The following REEP5 variants were observed in gnomAD, a reference collection of about 807,000 sequenced individuals.
REEP5 encodes the protein receptor accessory protein 5.
Under a neutral mutation model 22.4 loss-of-function variants are expected in REEP5, and 24 were observed. The ratio of observed to expected loss-of-function variants is 1.07; its 90% CI spans 0.78 to 1.51. The LOEUF is 1.51. REEP5 is among the 40% of genes most tolerant of loss of function. The pLI is 0.00. For missense variants in REEP5, 252 were observed against 233.0 expected (o/e 1.08, Z -0.53); for synonymous variants, 103 against 88.6 (o/e 1.16, Z -0.92).
intron 2 of REEP5, among the ~76,000 whole-genome samples, chr5:112,906,799 AAACCACCTCAAAG>A (rs1768964916): frequency 6.6e-6 from 1 of 152,146 alleles, no homozygotes; most frequent in Non-Finnish European, 1.5e-5. Context: ...CTGTGTTTGG[AAACCACCTCAAAG>A]TTCCAGTCTT....
intron 3 of REEP5, chr5:112,894,444 A>G (rs898729508): frequency 1.3e-5 from 2 of 152,178 alleles, no homozygotes; most frequent in Admixed American, 1.3e-4. Context: ...TCCAAAATTC[A>G]TACAATGTTT....
chr5:112,915,478 CATCTTAAAAGAGTCCAGCACTCTTAGCAG>C (rs1395896273), intron 2 of REEP5, among the ~76,000 whole-genome samples: 9 of 152,202 alleles, frequency 5.9e-5, no homozygotes, highest in Admixed American at 1.3e-4. Flanking sequence ...ACAACACTTT[CATCTTAAAAGAGTCCAGCACTCTTAGCAG>C]TAATGTTAAG....
rs1168506605 is a variant in REEP5, at chr5:112,908,094, G to GT, written c.213-5577dup. On this transcript the variant is annotated intron_variant, in intron 2 of 4. Transcript: ENST00000379638. ...AGAATGAGCATCAGAGACTTTCTTT[G>GT]TTTTTTGTTTTTTTTTTTTTTTTTT... Among the ~76,000 whole-genome samples, 321 of 72,552 alleles carry GT rather than the reference G, an allele frequency of 4.4e-3. 1 individual carries two copies. Among genetic ancestry groups the GT allele is most frequent in the African/African-American group, 0.015 (252 of 16,266 alleles). The allele number at this position is 72,552 out of a possible 152,430, so 47.6% of individuals were successfully genotyped here. A position where few individuals can be genotyped will look rare whatever the true frequency, so the allele number is the denominator to read the frequency against.
chr5:112,910,930 A>T (rs185997602), intron 2 of REEP5, among the ~76,000 whole-genome samples: 1 of 152,364 alleles, frequency 6.6e-6, no homozygotes, highest in African/African-American at 2.4e-5. Context: ...CAAAGTTAGT[A>T]CAAATCCACC....
chr5:112,885,543 ACAT>A (rs1263969025), intron 4 of REEP5: 1 of 239,486 alleles, frequency 4.2e-6, no homozygotes, highest in Non-Finnish European at 8.9e-6. Context: ...TTGGAAGTAA[ACAT>A]CAACTACCTT....
intron 3 of REEP5, chr5:112,892,153 A>C: frequency 6.2e-7 from 1 of 1,614,148 alleles, no homozygotes; most frequent in Non-Finnish European, 8.5e-7. Flanking sequence ...AGTAATGGAG[A>C]AGGATCGAGC....
Position 112,876,409 on chromosome 5 carries a change from A to ACAT in REEP5, c.*2374_*2376dup, listed in dbSNP as rs1162075173. 2.6e-5 allele frequency: 4 copies of ACAT among 152,244 alleles called. No individual in the cohort carries two copies. Among genetic ancestry groups the ACAT allele is most frequent in the East Asian group, 1.9e-4 (1 of 5,204 alleles). The allele number at this position is 152,244 out of a possible 1,614,324, so 9.4% of individuals were successfully genotyped here. A position where few individuals can be genotyped will look rare whatever the true frequency, so the allele number is the denominator to read the frequency against. Reference sequence around the variant, plus strand: ...GTTAAATGAGAACTCAATTTTATTTACATCTATTTATTTCCATTCAGTGTA... The same window carrying ACAT: ...GTTAAATGAGAACTCAATTTTATTTACATCATCTATTTATTTCCATTCAGTGTA... On this transcript the variant is annotated 3_prime_UTR_variant, in exon 5 of 5. Coordinates refer to ENST00000379638, the MANE Select transcript of REEP5 (RefSeq NM_005669.5).
chr5:112,918,921 T>C (rs775932429), intron 2 of REEP5, among the ~76,000 whole-genome samples: 1 of 152,214 alleles, frequency 6.6e-6, no homozygotes, highest in Non-Finnish European at 1.5e-5. Flanking sequence ...TTAGAGGGCT[T>C]ACCACACGGT....
rs60109818 is a variant in REEP5, at chr5:112,877,981, C to CTGTGTGTGTGTGTGTGTG, written c.*787_*804dup. 6.8e-6 allele frequency: 1 copy of CTGTGTGTGTGTGTGTGTG among 147,530 alleles called. No individual in the cohort carries two copies. Among genetic ancestry groups the CTGTGTGTGTGTGTGTGTG allele is most frequent in the Admixed American group, 6.8e-5 (1 of 14,752 alleles). 9.1% of individuals were successfully genotyped at this position (147,530 alleles called of 1,614,324 possible). ...AGGGAATTGAGAGTTACAGGTTACT[C>CTGTGTGTGTGTGTGTGTG]TGTGTGTGTGTGTGTGTGTGTGTGT... is the stretch of plus-strand genomic sequence containing the variant. On this transcript the variant is annotated 3_prime_UTR_variant, in exon 5 of 5. Transcript: ENST00000379638.
rs543961034 is a variant in REEP5, at chr5:112,899,503, T to C, written c.351+2877A>G. The stretch of plus-strand genomic sequence containing the variant: ...AAATTTCTGGGTCTGTACATATGGA[T>C]CTATTTCATTCCATTTAACTGTATG... On this transcript the variant is annotated intron_variant, in intron 3 of 4. Transcript: ENST00000379638. 2.0e-5 allele frequency among the ~76,000 whole-genome samples: 3 copies of C among 152,284 alleles called. No individual in the cohort carries two copies. The South Asian group carries it at 6.2e-4, about 32-fold the overall frequency.
At chr5:112,918,985 G>C (rs1461400853) in intron 2 of REEP5, among the ~76,000 whole-genome samples, 1 of 152,246 alleles carries the variant, frequency 6.6e-6, no homozygotes, top group Admixed American at 6.5e-5. Context: ...CAAGGACAGA[G>C]AGTATGACTA....
chr5:112,920,082 C>A (rs895182348), intron 2 of REEP5, among the ~76,000 whole-genome samples: 2 of 152,108 alleles, frequency 1.3e-5, no homozygotes, highest in African/African-American at 2.4e-5. Context: ...AAGCAGAGCC[C>A]GGGGTAGGCC....
At chr5:112,892,315 C>A (rs1235039659) in intron 3 of REEP5, 1 of 1,614,030 alleles carries the variant, frequency 6.2e-7, no homozygotes, top group Admixed American at 1.7e-5. Context: ...TGACTATGAC[C>A]CTGACGCAAG....
chr5:112,920,804 T>C lies in REEP5; in HGVS notation c.212+359A>G, dbSNP rs376066076. Among the ~76,000 whole-genome samples the C allele has an allele frequency of 1.9e-4, 29 of 152,174 alleles. 1 individual carries two copies. Among genetic ancestry groups the C allele is most frequent in the African/African-American group, 6.8e-4 (28 of 41,440 alleles). ...CTAGGTGCATAAATATATGGTGAAA[T>C]ACTCATTAAAATAATTACTAGACAG... On this transcript the variant is annotated intron_variant, in intron 2 of 4. Transcript: ENST00000379638.
intron 4 of REEP5, among the ~76,000 whole-genome samples, chr5:112,882,351 T>C (rs1768105495): frequency 6.6e-6 from 1 of 152,292 alleles, no homozygotes; most frequent in East Asian, 1.9e-4. Flanking sequence ...TTCCCGCTAT[T>C]ATCCTGATTC....
chr5:112,909,933 T>C (rs911006382), intron 2 of REEP5, among the ~76,000 whole-genome samples: 2 of 152,220 alleles, frequency 1.3e-5, no homozygotes, highest in African/African-American at 4.8e-5. Context: ...CCCTGACCCA[T>C]GACACAAGTA....
chr5:112,913,637 T>C (rs1769168686), intron 2 of REEP5, among the ~76,000 whole-genome samples: 1 of 151,998 alleles, frequency 6.6e-6, no homozygotes, highest in Non-Finnish European at 1.5e-5. Flanking sequence ...TCAAATCTTT[T>C]GGTGTTTAAT....
chr5:112,906,943 G>T (rs1305563619), intron 2 of REEP5, among the ~76,000 whole-genome samples: 1 of 152,150 alleles, frequency 6.6e-6, no homozygotes, highest in East Asian at 1.9e-4. Flanking sequence ...CAAAAGAGAA[G>T]AAAAGTTGGA....
At chr5:112,886,328 T>G (rs1459050797) in intron 4 of REEP5, among the ~76,000 whole-genome samples, 1 of 152,228 alleles carries the variant, frequency 6.6e-6, no homozygotes, top group Non-Finnish European at 1.5e-5. Flanking sequence ...GTTTTGAGGT[T>G]GTACTTTTTC....
Sources: gnomAD v4.1 joint callset for allele counts (sites outside exome capture counted in the v4.1 genomes callset) on GRCh38, gnomAD v4.1.1 for gene constraint, MANE v1.5 for transcripts, NCBI Gene and HGNC (gene_info 2026-07-23, HGNC 2026-07-21) for gene names.